DCLRE1A: variants seen among roughly 807,000 people sequenced by gnomAD.
The protein encoded by DCLRE1A is DNA cross-link repair 1A, also known as DNA cross-link repair 1A protein.
In DCLRE1A, 64 loss-of-function variants were observed where a neutral mutation model predicts 91.9. That is an observed-to-expected ratio of 0.70 (90% CI 0.57 to 0.86). The LOEUF is 0.86. Ranked by LOEUF, DCLRE1A falls within the 40% of genes least tolerant of loss-of-function variation. The pLI is 0.00. For synonymous variants in DCLRE1A, 416 were observed against 431.1 expected, an observed-to-expected ratio of 0.96 and a Z score of 0.43; for missense variants, 1,145 against 1,213.3, an observed-to-expected ratio of 0.94 and a Z score of 0.84.
chr10:113,849,915 G>C lies in DCLRE1A; in HGVS notation c.1190C>G (p.Pro397Arg), dbSNP rs1177015001. 6.2e-7 allele frequency: 1 copy of C among 1,613,958 alleles called. No homozygotes were observed. The highest frequency in any genetic ancestry group is 1.7e-5 in the Admixed American group (1 of 60,028). ...PISQNNESTL[P>R]YDLACTGGDF... ...ACCACCAGTACATGCCAGATCATAA[G>C]GCAAAGTACTCTCATTATTTTGAGA... The change falls in exon 2 of 9, where the codon CCT becomes CGT. Residue 397 changes from proline to arginine, a missense_variant. By Grantham distance (103) the Pro-to-Arg change is moderately radical. Coordinates refer to ENST00000361384, the MANE Select transcript of DCLRE1A (RefSeq NM_014881.5).
intron 7 of DCLRE1A, among the ~76,000 whole-genome samples, chr10:113,839,843 T>A (rs1845419091): frequency 6.6e-6 from 1 of 151,696 alleles, no homozygotes; most frequent in Admixed American, 6.6e-5. Context: ...TGTGTTTTAT[T>A]ATAAAATCCT....
rs769125759 is a variant in DCLRE1A, at chr10:113,849,825, T to C, written c.1280A>G (p.Lys427Arg). ...AAATTCTGGCTCATCAGGTTTTGCT[T>C]TAGTTGCCTGATGAACAGAAGCAGC... ...KLAASVHQAT[K>R]AKPDEPEFHS... The change falls in exon 2 of 9, where the codon AAA becomes AGA. Residue 427 changes from lysine to arginine, a missense_variant. By Grantham distance (26) the Lys-to-Arg change is conservative. Transcript: ENST00000361384. 1 of 1,614,014 alleles carries C rather than the reference T, an allele frequency of 6.2e-7. No homozygotes were observed. The highest frequency in any genetic ancestry group is 1.3e-5 in the African/African-American group (1 of 74,920).
intron 7 of DCLRE1A, 88 bp from the exon 8 acceptor site, chr10:113,837,291 G>T (rs1174963088): frequency 1.6e-6 from 2 of 1,249,414 alleles, no homozygotes; most frequent in African/African-American, 1.5e-5. Flanking sequence ...ACTGGCACAG[G>T]CATGGGGAGT....
At chr10:113,845,878 T>C in intron 3 of DCLRE1A, 75 bp from the exon 4 acceptor site, 5 of 1,201,198 alleles carry the variant, frequency 4.2e-6, no homozygotes, top group South Asian at 3.7e-5. Context: ...TTTAGAACCA[T>C]AGCATCTTAA....
In DCLRE1A at chr10:113,835,113, C is replaced by T. The variant is rs1564840454; in HGVS notation, c.*39G>A. ...AGATTTAACTACTAACAAGCTACAT[C>T]CAAGGAACTTAACTACTACTGAATC... On this transcript the variant is annotated 3_prime_UTR_variant, in exon 9 of 9. Transcript: ENST00000361384. The T allele has an allele frequency of 6.3e-7, 1 of 1,583,062 alleles. No individual in the cohort carries two copies. The highest frequency in any genetic ancestry group is 8.6e-7 in the Non-Finnish European group (1 of 1,164,564).
chr10:113,847,201 C>T lies in DCLRE1A; in HGVS notation c.2259+1G>A. 2 of 1,596,598 alleles carry T rather than the reference C, an allele frequency of 1.3e-6. No homozygotes were observed. Among genetic ancestry groups the T allele is most frequent in the South Asian group, 2.3e-5 (2 of 87,704 alleles). ...TCAAAAGTTAGAATACTAAAACTTA[C>T]CTCACTACAATAAACTGGAAATGTG... On this transcript the variant is annotated splice_donor_variant, in intron 3 of 8. Coordinates refer to ENST00000361384, the MANE Select transcript of DCLRE1A (RefSeq NM_014881.5). LOFTEE classifies it high-confidence loss of function.
intron 5 of DCLRE1A, among the ~76,000 whole-genome samples, chr10:113,842,756 C>A (rs573120621): frequency 1.3e-4 from 20 of 151,964 alleles, no homozygotes; most frequent in Non-Finnish European, 2.5e-4. Flanking sequence ...CTTTTTTCCT[C>A]CAAGAATATT....
chr10:113,844,416 C>A (rs1354610223), intron 4 of DCLRE1A, among the ~76,000 whole-genome samples, 172 bp from the exon 5 acceptor site: 1 of 152,178 alleles, frequency 6.6e-6, no homozygotes, highest in African/African-American at 2.4e-5. Context: ...ATAAAAAGAA[C>A]TGGTGTGCAG....
intron 7 of DCLRE1A, among the ~76,000 whole-genome samples, chr10:113,840,023 G>A (rs186668547): frequency 6.6e-6 from 1 of 152,258 alleles, no homozygotes; most frequent in East Asian, 1.9e-4. Flanking sequence ...GCCAGGCATG[G>A]TGGCTCACAC....
chr10:113,841,283 T>C (rs1845440944), intron 7 of DCLRE1A, 123 bp downstream of exon 7: 4 of 1,151,362 alleles, frequency 3.5e-6, no homozygotes, highest in Non-Finnish European at 4.8e-6. Context: ...TAAAAGATTG[T>C]CTAGGGCAAA....
In DCLRE1A at chr10:113,850,288, C is replaced by T. The variant is rs762025277; in HGVS notation, c.817G>A (p.Val273Ile). 17 of 1,614,080 alleles carry T rather than the reference C, an allele frequency of 1.1e-5. No individual in the cohort carries two copies. The Admixed American group carries it at 1.2e-4, about 11-fold the overall frequency. The change falls in exon 2 of 9, where the codon GTT becomes ATT. Residue 273 changes from valine to isoleucine, a missense_variant. Transcript: ENST00000361384. ...GAGTTGTTTGCAAGACGCAAAGCAA[C>T]TCCCACTAGTTTGTCATTCTCAACA... ...DFVENDKLVG[V>I]ALRLANNSEH...
At position 113,835,955 on chromosome 10, in the gene DCLRE1A, T is replaced by C. The variant is rs546844616; in HGVS notation, c.2963-643A>G. 8.5e-5 allele frequency among the ~76,000 whole-genome samples: 13 copies of C among 152,114 alleles called. No individual in the cohort carries two copies. In the South Asian group the frequency reaches 2.7e-3, roughly 32 times the overall value. On this transcript the variant is annotated intron_variant, in intron 8 of 8. Transcript: ENST00000361384. ...GTCTCAAAAAATTAAAAAAAAATAA[T>C]AAGATAGTGAGTTTTCAGGAGATCT... is the stretch of plus-strand genomic sequence containing the variant.
rs778992328 is a variant in DCLRE1A at position 113,835,244 on chromosome 10, T to A, written c.3031A>T (p.Lys1011Ter). The A allele has an allele frequency of 3.7e-6, 6 of 1,614,090 alleles. No homozygotes were observed. ...KRFVQWLKPQ[K>*]IIPTVNVGTW... is the part of the protein sequence containing the mutation. ...CCCACATTTACAGTAGGTATGATTT[T>A]CTGGGGCTTCAGCCACTGGACAAAG... The change falls in exon 9 of 9, where the codon AAA (lysine) becomes TAA (stop). Residue 1011 changes from lysine to a stop codon, truncating the protein, a stop_gained. Coordinates refer to ENST00000361384, the MANE Select transcript of DCLRE1A (RefSeq NM_014881.5). LOFTEE classifies it high-confidence loss of function.
rs973641284 is a variant in DCLRE1A at position 113,843,045 on chromosome 10, C to T, written c.2520-557G>A. On this transcript the variant is annotated intron_variant, in intron 5 of 8. Transcript: ENST00000361384. ...GTGTACACACACACACACACACACA[C>T]ACACACACACACACACACACACAGA... Among the ~76,000 whole-genome samples the T allele has an allele frequency of 5.5e-3, 821 of 148,588 alleles. 6 individuals carry two copies. The highest frequency in any genetic ancestry group is 0.019 in the African/African-American group (786 of 41,212).
intron 2 of DCLRE1A, among the ~76,000 whole-genome samples, chr10:113,848,435 G>C (rs892672273): frequency 6.6e-6 from 1 of 152,090 alleles, no homozygotes; most frequent in Non-Finnish European, 1.5e-5. Flanking sequence ...TATAGATCTA[G>C]AACATCAATA....
At chr10:113,839,533 A>C (rs960833303) in intron 7 of DCLRE1A, among the ~76,000 whole-genome samples, 21 of 152,150 alleles carry the variant, frequency 1.4e-4, no homozygotes, top group Non-Finnish European at 2.5e-4. Flanking sequence ...AAAAGAAAAA[A>C]AAGAAGTCTT....
rs765985308 is a variant in DCLRE1A, at chr10:113,850,652, T to G, written c.461-8A>C. Reference sequence around the variant, plus strand: ...GAAGACCATCAGGACACTCTGAAATTTTAATAAAGAAAAAATATTACACGA... The same window carrying G: ...GAAGACCATCAGGACACTCTGAAATGTTAATAAAGAAAAAATATTACACGA... On this transcript the variant is annotated splice_region_variant and splice_polypyrimidine_tract_variant and intron_variant, in intron 1 of 8. Transcript: ENST00000361384. The G allele has an allele frequency of 6.4e-7, 1 of 1,563,560 alleles. No individual in the cohort carries two copies. Among genetic ancestry groups the G allele is most frequent in the Admixed American group, 2.0e-5 (1 of 51,164 alleles).
Position 113,849,004 on chromosome 10 carries a change from A to T in DCLRE1A, c.2101T>A (p.Cys701Ser). The T allele has an allele frequency of 1.2e-6, 2 of 1,613,406 alleles. No individual in the cohort carries two copies. The highest frequency in any genetic ancestry group is 8.5e-7 in the Non-Finnish European group (1 of 1,179,782). The change falls in exon 2 of 9, where the codon TGT becomes AGT. Residue 701 changes from cysteine (C) to serine (S), a missense_variant. By Grantham distance (112) the Cys-to-Ser change is moderately radical (BLOSUM62 -1). Coordinates refer to ENST00000361384, the MANE Select transcript of DCLRE1A (RefSeq NM_014881.5). Reference sequence around the variant, plus strand: ...CCAGGTATTTTCTTATAGAATGGACATGTCTTTTTTCTTGATCCTCCTACA... The same window carrying T: ...CCAGGTATTTTCTTATAGAATGGACTTGTCTTTTTTCTTGATCCTCCTACA... The part of the protein sequence containing the change: ...SNVGGSRKKT[C>S]PFYKKIPGTG...
chr10:113,848,964 T>G lies in DCLRE1A; in HGVS notation c.2125+16A>C, dbSNP rs1341126014. On this transcript the variant is annotated intron_variant, in intron 2 of 8. Transcript: ENST00000361384. ...TTGTCTTTGTTGATATATCGAGTAT[T>G]GACATTTCAACTTACCAGGTATTTT... is the stretch of plus-strand genomic sequence containing the variant. 21 of 1,600,830 alleles carry G rather than the reference T, an allele frequency of 1.3e-5. No homozygotes were observed. Among genetic ancestry groups the G allele is most frequent in the Middle Eastern group, 1.7e-4 (1 of 6,018 alleles).
Sources: gnomAD v4.1 joint callset for allele counts (sites outside exome capture counted in the v4.1 genomes callset) on GRCh38, gnomAD v4.1.1 for gene constraint, MANE v1.5 for transcripts, NCBI Gene and HGNC (gene_info 2026-07-23, HGNC 2026-07-21) for gene names.